NRP1: variants seen among roughly 807,000 people sequenced by gnomAD.
NRP1 encodes neuropilin 1.
NRP1 carries 35 observed loss-of-function variants against 106.7 expected under a neutral mutation model. The ratio of observed to expected loss-of-function variants is 0.33; its 90% confidence interval spans 0.25 to 0.43. The LOEUF (loss-of-function observed/expected upper bound fraction) is 0.43. Among genes scored for constraint, NRP1 ranks in the 20% least tolerant of loss-of-function variants. The pLI is 1.00. For missense variants in NRP1, 1,024 were observed against 1,170.4 expected, an observed-to-expected ratio of 0.87 and a Z score of 1.83; for synonymous variants, 437 against 417.9, an observed-to-expected ratio of 1.05 and a Z score of -0.56.
At chr10:33,253,282 GA>G (rs1247642419) in intron 6 of NRP1, among the ~76,000 whole-genome samples, 1 of 152,174 alleles carries the variant, frequency 6.6e-6, no homozygotes, top group Non-Finnish European at 1.5e-5. Context: ...CCGGCGATGA[GA>G]GGGGGTAGAT....
At chr10:33,227,396 G>T (rs932674608) in intron 6 of NRP1, among the ~76,000 whole-genome samples, 9 of 152,110 alleles carry the variant, frequency 5.9e-5, no homozygotes, top group Non-Finnish European at 1.3e-4. Context: ...TGTGGTTTGG[G>T]AGAGGGGCCA....
intron 4 of NRP1, 33 bp downstream of exon 4, chr10:33,263,613 T>G (rs752128642): frequency 6.5e-7 from 1 of 1,537,432 alleles, no homozygotes; most frequent in Non-Finnish European, 9.0e-7. Flanking sequence ...CTCCAGAACC[T>G]TCCCTTTTTG....
intron 6 of NRP1, among the ~76,000 whole-genome samples, chr10:33,252,106 T>A (rs144628423): frequency 6.6e-6 from 1 of 151,766 alleles, no homozygotes; most frequent in Non-Finnish European, 1.5e-5. Context: ...GAGGAACACA[T>A]TGGGGGAAGA....
Position 33,257,641 on chromosome 10 carries a change from AAAAC to A in NRP1, c.659-1174_659-1171del, listed in dbSNP as rs528956316. On this transcript the variant is annotated intron_variant, in intron 4 of 16. Coordinates refer to ENST00000374867, the MANE Select transcript of NRP1 (RefSeq NM_003873.7). ...CTCTGTCTCAGAAAAACACACAAAAAAAACAACAATTTGCTGTTTGACTTAAACT... is the reference window on the plus strand; with the variant it reads ...CTCTGTCTCAGAAAAACACACAAAAAAACAATTTGCTGTTTGACTTAAACT... Among the ~76,000 whole-genome samples, 6 of 152,244 alleles carry A rather than the reference AAAAC, an allele frequency of 3.9e-5. No individual in the cohort carries two copies. The East Asian group carries it at 1.2e-3, about 30-fold the overall frequency.
chr10:33,322,870 GT>G (rs1564489434), intron 2 of NRP1, among the ~76,000 whole-genome samples: 1 of 152,156 alleles, frequency 6.6e-6, no homozygotes, highest in African/African-American at 2.4e-5. Flanking sequence ...AGCTGGTAAC[GT>G]TTCATGAGAA....
At chr10:33,332,129 C>G (rs183949343) in intron 1 of NRP1, among the ~76,000 whole-genome samples, 4 of 152,112 alleles carry the variant, frequency 2.6e-5, no homozygotes, top group African/African-American at 9.7e-5. Context: ...TTACAGAAAT[C>G]ATTTCCCATA....
intron 2 of NRP1, among the ~76,000 whole-genome samples, chr10:33,319,294 CCG>C (rs1175029650): frequency 6.6e-6 from 1 of 152,026 alleles, no homozygotes; most frequent in Non-Finnish European, 1.5e-5. Flanking sequence ...GTGTGAGTCA[CCG>C]CGCCCAGAGG....
intron 2 of NRP1, among the ~76,000 whole-genome samples, chr10:33,277,142 A>T (rs1478876168): frequency 6.6e-6 from 1 of 152,092 alleles, no homozygotes; most frequent in Non-Finnish European, 1.5e-5. Flanking sequence ...AAATTGCTCA[A>T]TAAAAGTTTT....
chr10:33,192,433 A>G lies in NRP1; in HGVS notation c.1925-15T>C. 3 of 1,611,816 alleles carry G rather than the reference A, an allele frequency of 1.9e-6. No homozygotes were observed. Among genetic ancestry groups the G allele is most frequent in the South Asian group, 2.2e-5 (2 of 90,716 alleles). ...TGTTGGAAACTCTTCAGTGGGTGGGAAGTAAAAATAAGAGACAAGCAAAGA... is the reference window on the plus strand; with the variant it reads ...TGTTGGAAACTCTTCAGTGGGTGGGGAGTAAAAATAAGAGACAAGCAAAGA... On this transcript the variant is annotated splice_polypyrimidine_tract_variant and intron_variant, in intron 12 of 16. Transcript: ENST00000374867.
intron 2 of NRP1, among the ~76,000 whole-genome samples, chr10:33,328,968 C>T (rs771765907): frequency 1.3e-5 from 2 of 152,214 alleles, no homozygotes; most frequent in Non-Finnish European, 1.5e-5. Flanking sequence ...AATGTTATTA[C>T]TTGAGTATGT....
intron 15 of NRP1, among the ~76,000 whole-genome samples, chr10:33,183,219 G>C (rs757964617): frequency 8.6e-5 from 13 of 152,036 alleles, no homozygotes; most frequent in Non-Finnish European, 1.6e-4. Flanking sequence ...GGCGGAAGGA[G>C]AGCTTGTGCC....
intron 6 of NRP1, among the ~76,000 whole-genome samples, chr10:33,231,441 T>C (rs1840119594): frequency 6.6e-6 from 1 of 152,242 alleles, no homozygotes; most frequent in South Asian, 2.1e-4. Context: ...AATATTTGTA[T>C]GCATGTTTTT....
At chr10:33,233,655 G>A (rs1170060226) in intron 6 of NRP1, among the ~76,000 whole-genome samples, 1 of 152,118 alleles carries the variant, frequency 6.6e-6, no homozygotes, top group African/African-American at 2.4e-5. Context: ...CATTGGCAAG[G>A]GAGCGTTTAC....
chr10:33,232,841 T>C (rs1234899493), intron 6 of NRP1, among the ~76,000 whole-genome samples: 1 of 151,706 alleles, frequency 6.6e-6, no homozygotes, highest in Admixed American at 6.6e-5. Context: ...AGAGATGGGG[T>C]TTCACCATGT....
At chr10:33,226,469 G>A (rs949623181) in intron 6 of NRP1, among the ~76,000 whole-genome samples, 180 bp from the exon 7 acceptor site, 7 of 152,092 alleles carry the variant, frequency 4.6e-5, no homozygotes, top group Admixed American at 1.3e-4. Context: ...AAAAGGCAAA[G>A]GCATGATCAA....
At position 33,327,139 on chromosome 10, in the gene NRP1, A is replaced by T. The variant is rs573741504; in HGVS notation, c.248+3569T>A. On this transcript the variant is annotated intron_variant, in intron 2 of 16. Transcript: ENST00000374867. ...GAAGTTGACTATACAAATACTGACC[A>T]TTTCAAGAGAAAATGCAGGGTGTAT... Among the ~76,000 whole-genome samples, 258 of 152,098 alleles carry T rather than the reference A, an allele frequency of 1.7e-3. 1 individual carries two copies. The highest frequency in any genetic ancestry group is 6.1e-3 in the African/African-American group (251 of 41,416).
intron 6 of NRP1, among the ~76,000 whole-genome samples, chr10:33,236,777 A>G (rs1840589170): frequency 6.6e-6 from 1 of 152,114 alleles, no homozygotes; most frequent in African/African-American, 2.4e-5. Flanking sequence ...ATTCAGTAGG[A>G]CTGTATTGTG....
At chr10:33,212,974 A>G (rs1423757996) in intron 9 of NRP1, 3 of 476,820 alleles carry the variant, frequency 6.3e-6, no homozygotes, top group Non-Finnish European at 1.1e-5. Flanking sequence ...CCTGGCCCAC[A>G]ATAAAAATTT....
Position 33,226,212 on chromosome 10 carries a change from A to G in NRP1, c.1059T>C (p.Tyr353=). ...CGTCGATCTTGTAAGTCTTGACATA[A>G]TATTTCTTCTTGGTTTCTTTTGAAA... ...GAISKETKKK[Y]YVKTYKIDVS... is the part of the protein sequence containing the mutation. The change falls in exon 7 of 17, where the codon TAT becomes TAC. Residue 353 remains tyrosine (Y), a synonymous_variant. Transcript: ENST00000374867. 1 of 1,614,138 alleles carries G rather than the reference A, an allele frequency of 6.2e-7. No homozygotes were observed. The highest frequency in any genetic ancestry group is 8.5e-7 in the Non-Finnish European group (1 of 1,180,032).
Sources: gnomAD v4.1 joint callset for allele counts (sites outside exome capture counted in the v4.1 genomes callset) on GRCh38, gnomAD v4.1.1 for gene constraint, MANE v1.5 for transcripts, NCBI Gene and HGNC (gene_info 2026-07-23, HGNC 2026-07-21) for gene names.